ESR1: variants seen among roughly 807,000 people sequenced by gnomAD.
ESR1 encodes estrogen receptor.
ESR1 carries 12 observed loss-of-function variants against 52.7 expected under a neutral mutation model. The observed-to-expected ratio is 0.23, with a 90% CI of 0.15 to 0.37. The LOEUF is 0.37. ESR1 is among the 10% of genes least tolerant of loss of function. ESR1 has a pLI of 1.00. For missense variants in ESR1, 584 were observed against 779.7 expected (o/e 0.75, Z 2.99); for synonymous variants, 305 against 316.8 (o/e 0.96, Z 0.39).
chr6:151,729,582 T>A (rs1265188936), intron 2 of ESR1, among the ~76,000 whole-genome samples: 4 of 152,122 alleles, frequency 2.6e-5, no homozygotes, highest in African/African-American at 9.7e-5. Flanking sequence ...AGTAGGTGAC[T>A]TTTGTTGAGC....
In ESR1 at chr6:152,061,280, T is replaced by G. The variant is rs1250024058; in HGVS notation, c.1369+156T>G. Among the ~76,000 whole-genome samples, 1 of 152,336 alleles carries G rather than the reference T, an allele frequency of 6.6e-6. No individual in the cohort carries two copies. ...ATAACCTACCAACATTGCAGATTCC[T>G]TATAAAGGTAGAACCATGCTAGCCA... On this transcript the variant is annotated intron_variant, in intron 6 of 7. Coordinates refer to ENST00000206249, the MANE Select transcript of ESR1 (RefSeq NM_000125.4). This position sits in a 1 kb window ranked among gnomAD's most constrained non-coding sequence, Gnocchi z 4.3.
intron 2 of ESR1, among the ~76,000 whole-genome samples, chr6:151,707,082 G>C (rs1344675689): frequency 6.6e-6 from 1 of 152,186 alleles, no homozygotes; most frequent in Non-Finnish European, 1.5e-5. Context: ...ATTGGAGGCA[G>C]GCTGTGCCTC....
intron 5 of ESR1, among the ~76,000 whole-genome samples, chr6:152,037,264 G>GAA (rs952493089): frequency 6.6e-5 from 10 of 151,758 alleles, no homozygotes; most frequent in African/African-American, 2.4e-4. Flanking sequence ...AAGAGAGAGA[G>GAA]AAAAACAAAT....
intron 1 of ESR1, among the ~76,000 whole-genome samples, chr6:151,677,790 C>T (rs192428483): frequency 1.3e-5 from 2 of 152,198 alleles, no homozygotes; most frequent in Admixed American, 1.3e-4. Flanking sequence ...TAGAGTCGCC[C>T]TGGGAAGCAG....
At position 151,843,603 on chromosome 6, in the gene ESR1, G is replaced by T. The variant is rs9340813; in HGVS notation, c.643+816G>T. 5.3e-3 allele frequency among the ~76,000 whole-genome samples: 804 copies of T among 152,202 alleles called. 7 individuals are homozygous for T. The highest frequency in any genetic ancestry group is 0.018 in the African/African-American group (752 of 41,518). ...GAACAGAGATCTGACAGCAGCTTAG[G>T]CTAACCAAATTCATTTTTTATCTTA... is the stretch of plus-strand genomic sequence containing the variant. On this transcript the variant is annotated intron_variant, in intron 2 of 7. Coordinates refer to ENST00000206249, the MANE Select transcript of ESR1 (RefSeq NM_000125.4).
chr6:151,859,753 A>G (rs1257628950), intron 2 of ESR1, among the ~76,000 whole-genome samples: 1 of 152,200 alleles, frequency 6.6e-6, no homozygotes, highest in Non-Finnish European at 1.5e-5. Flanking sequence ...TGGACCAACT[A>G]GCTGTTCTCA....
At chr6:152,064,050 C>A (rs1393663694) in intron 6 of ESR1, among the ~76,000 whole-genome samples, 2 of 152,198 alleles carry the variant, frequency 1.3e-5, no homozygotes, top group East Asian at 1.9e-4. Context: ...TATTCGTCAT[C>A]ATTTCTGCCC....
At position 151,900,646 on chromosome 6, in the gene ESR1, AG is replaced by A. The variant is rs560820091; in HGVS notation, c.760+19876del. Among the ~76,000 whole-genome samples, 21 of 152,314 alleles carry A rather than the reference AG, an allele frequency of 1.4e-4. No homozygotes were observed. In the South Asian group the frequency reaches 3.1e-3, roughly 23 times the overall value. ...GTCCCACAGGTTGTTTTCTTGATGTAGTACTCTCCCCCTTTTCTTAGAGATG... is the reference window on the plus strand; with the variant it reads ...GTCCCACAGGTTGTTTTCTTGATGTATACTCTCCCCCTTTTCTTAGAGATG... On this transcript the variant is annotated intron_variant, in intron 3 of 7. Coordinates refer to ENST00000206249, the MANE Select transcript of ESR1 (RefSeq NM_000125.4).
In ESR1 at chr6:151,994,269, T is replaced by A. The variant is rs552026586; in HGVS notation, c.1097-17387T>A. ...TGTATCAAACAAGTGGACTGCACTATACAACTCTGAGGTCCCTTCTAGCCT... is the reference window on the plus strand; with the variant it reads ...TGTATCAAACAAGTGGACTGCACTAAACAACTCTGAGGTCCCTTCTAGCCT... On this transcript the variant is annotated intron_variant, in intron 4 of 7. Coordinates refer to ENST00000206249, the MANE Select transcript of ESR1 (RefSeq NM_000125.4). Among the ~76,000 whole-genome samples the A allele has an allele frequency of 3.9e-5, 6 of 152,302 alleles. No homozygotes were observed. In the South Asian group the frequency reaches 1.2e-3, roughly 32 times the overall value.
intron 7 of ESR1, among the ~76,000 whole-genome samples, chr6:152,097,788 T>C (rs536902295): frequency 6.6e-6 from 1 of 152,284 alleles, no homozygotes; most frequent in African/African-American, 2.4e-5. Flanking sequence ...CTCTGGGCAC[T>C]GTTTTAGGCC....
exon 7 of ESR1, chr6:152,125,731 G>A (rs1276595026): frequency 1.8e-5 from 3 of 167,946 alleles, no homozygotes; most frequent in African/African-American, 4.7e-5. Context: ...GTGATGGGAA[G>A]ATTTACATAT....
At chr6:151,942,562 GTACT>G (rs1382991417) in intron 3 of ESR1, among the ~76,000 whole-genome samples, 1 of 151,362 alleles carries the variant, frequency 6.6e-6, no homozygotes, top group African/African-American at 2.4e-5. Flanking sequence ...TTCATGAGAA[GTACT>G]TATTTTAATA....
intron 4 of ESR1, chr6:151,983,456 G>A (rs575297512): frequency 6.6e-6 from 1 of 152,184 alleles, no homozygotes; most frequent in South Asian, 2.1e-4. Flanking sequence ...AGAAAGGATG[G>A]ATATATGTGT....
intron 3 of ESR1, among the ~76,000 whole-genome samples, chr6:151,913,976 T>A (rs1026900931): frequency 6.6e-6 from 1 of 152,166 alleles, no homozygotes; most frequent in Non-Finnish European, 1.5e-5. Flanking sequence ...TTTTCTTCCC[T>A]CTACAGTATG....
rs9479227 is a variant in ESR1, at chr6:152,114,223, T to A, written c.851-11043T>A. Reference sequence around the variant, plus strand: ...GAAAGAAAGGTACAGGTAGAGAAGCTGCCTATGACTTTCGAGTCACTGTCC... The same window carrying A: ...GAAAGAAAGGTACAGGTAGAGAAGCAGCCTATGACTTTCGAGTCACTGTCC... On this transcript the variant is annotated intron_variant, in intron 6 of 6. Coordinates refer to the ESR1 transcript ENST00000427531. Among the ~76,000 whole-genome samples, 1,121 of 152,326 alleles carry A rather than the reference T, an allele frequency of 7.4e-3. 19 individuals carry two copies. Among genetic ancestry groups the A allele is most frequent in the African/African-American group, 0.026 (1,074 of 41,568 alleles).
Position 151,828,835 on chromosome 6 carries a change from A to G in ESR1, c.453-13762A>G, listed in dbSNP as rs185022560. On this transcript the variant is annotated intron_variant, in intron 1 of 7. Coordinates refer to ENST00000206249, the MANE Select transcript of ESR1 (RefSeq NM_000125.4). ...GAGTCTCCAGATGACATTGTCTGCA[A>G]ACTGCACTGCAGAAGGCTCTGCTAT... 3.1e-3 allele frequency among the ~76,000 whole-genome samples: 473 copies of G among 152,342 alleles called. 2 individuals carry two copies. Among genetic ancestry groups the G allele is most frequent in the Middle Eastern group, 0.02 (6 of 294 alleles).
At chr6:151,764,078 C>T (rs1784860002) in intron 2 of ESR1, among the ~76,000 whole-genome samples, 1 of 152,084 alleles carries the variant, frequency 6.6e-6, no homozygotes, top group Admixed American at 6.5e-5. Context: ...CTGTCTCTGG[C>T]TTTGCTGTCA....
intron 6 of ESR1, among the ~76,000 whole-genome samples, chr6:152,067,345 G>C (rs987823579): frequency 6.6e-6 from 1 of 152,144 alleles, no homozygotes; most frequent in East Asian, 1.9e-4. Flanking sequence ...GTCGAAAGAC[G>C]GGAAATCCTT....
chr6:151,826,083 G>T (rs6910339), intron 1 of ESR1, among the ~76,000 whole-genome samples: 34,209 of 151,692 alleles, frequency 0.23, 4,838 homozygotes, highest in African/African-American at 0.4. Flanking sequence ...GGGGAGGGGG[G>T]TGGCGGGGAA....
Sources: gnomAD v4.1 joint callset for allele counts (sites outside exome capture counted in the v4.1 genomes callset) on GRCh38, gnomAD v4.1.1 for gene constraint, Gnocchi (gnomAD v3.1) non-coding constraint, MANE v1.5 for transcripts, NCBI Gene and HGNC (gene_info 2026-07-23, HGNC 2026-07-21) for gene names.